The following NAP1L4 variants were observed in gnomAD, a reference collection of about 807,000 sequenced individuals.
The protein encoded by NAP1L4 is nucleosome assembly protein 1 like 4.
A neutral mutation model predicts 58.2 loss-of-function variants in NAP1L4; 15 were observed. The observed-to-expected ratio is 0.26, with a 90% confidence interval of 0.17 to 0.40. The LOEUF is 0.40. NAP1L4 is among the 10% of genes least tolerant of loss of function. The pLI is 1.00. For synonymous variants in NAP1L4, 171 were observed against 155.6 expected, an observed-to-expected ratio of 1.10 and a Z score of -0.74; for missense variants, 384 against 451.1, an observed-to-expected ratio of 0.85 and a Z score of 1.35.
In NAP1L4 at chr11:2,979,187, C is replaced by CA; in HGVS notation, c.14+19dup. 5 of 1,608,150 alleles carry CA rather than the reference C, an allele frequency of 3.1e-6. No individual in the cohort carries two copies. The highest frequency in any genetic ancestry group is 4.2e-6 in the Non-Finnish European group (5 of 1,177,372). On this transcript the variant is annotated intron_variant, in intron 2 of 15. Coordinates refer to ENST00000380542, the MANE Select transcript of NAP1L4 (RefSeq NM_005969.4). Reference sequence around the variant, plus strand: ...CAACTGAATTTTAAACTCCAATAAACAAAGTCCACTTTGGCTTACCTGTGA... The same window carrying CA: ...CAACTGAATTTTAAACTCCAATAAACAAAAGTCCACTTTGGCTTACCTGTGA...
Position 2,951,083 on chromosome 11 carries a change from C to A in NAP1L4, c.1122+176G>T. ...CTACTGAGTATGTACACTCAACACT[C>A]AAATTATAGACACAGTGTCTGAATA... On this transcript the variant is annotated intron_variant, in intron 14 of 15. Transcript: ENST00000380542. This position sits in a 1 kb window ranked among gnomAD's most constrained non-coding sequence, Gnocchi z 4.0. 1 of 656,728 alleles carries A rather than the reference C, an allele frequency of 1.5e-6. No individual in the cohort carries two copies. Among genetic ancestry groups the A allele is most frequent in the Non-Finnish European group, 2.7e-6 (1 of 371,376 alleles). 40.7% of individuals were successfully genotyped at this position (656,728 alleles called of 1,614,324 possible). A position where few individuals can be genotyped will look rare whatever the true frequency, so the allele number is the denominator to read the frequency against.
At position 2,951,211 on chromosome 11, in the gene NAP1L4, A is replaced by T. The variant is rs1222177201; in HGVS notation, c.1122+48T>A. The T allele has an allele frequency of 6.9e-7, 1 of 1,454,300 alleles. No homozygotes were observed. The highest frequency in any genetic ancestry group is 2.3e-5 in the East Asian group (1 of 44,066). 90.1% of individuals were successfully genotyped at this position (1,454,300 alleles called of 1,614,324 possible). ...AAGTGGGGAACATTTTTAAAAGTCT[A>T]AGAGTGCAGCATAATAAGTAGGTCT... is the stretch of plus-strand genomic sequence containing the variant. On this transcript the variant is annotated intron_variant, in intron 14 of 15. Coordinates refer to ENST00000380542, the MANE Select transcript of NAP1L4 (RefSeq NM_005969.4). This position sits in a 1 kb window ranked among gnomAD's most constrained non-coding sequence, Gnocchi z 4.0.
Position 2,951,210 on chromosome 11 carries a change from TAA to T in NAP1L4, c.1122+47_1122+48del. ...AAAGTGGGGAACATTTTTAAAAGTCTAAGAGTGCAGCATAATAAGTAGGTCTG... is the reference window on the plus strand; with the variant it reads ...AAAGTGGGGAACATTTTTAAAAGTCTGAGTGCAGCATAATAAGTAGGTCTG... On this transcript the variant is annotated intron_variant, in intron 14 of 15. Coordinates refer to ENST00000380542, the MANE Select transcript of NAP1L4 (RefSeq NM_005969.4). The surrounding 1 kb of genome is among the most constrained non-coding windows in gnomAD (Gnocchi z 4.0). 1 of 1,449,786 alleles carries T rather than the reference TAA, an allele frequency of 6.9e-7. No homozygotes were observed. The highest frequency in any genetic ancestry group is 1.2e-5 in the South Asian group (1 of 85,906). The allele number at this position is 1,449,786 out of a possible 1,614,324, so 89.8% of individuals were successfully genotyped here. A position where few individuals can be genotyped will look rare whatever the true frequency, so the allele number is the denominator to read the frequency against.
intron 1 of NAP1L4, among the ~76,000 whole-genome samples, chr11:2,986,803 T>C (rs569367723): frequency 9.9e-5 from 15 of 151,730 alleles, no homozygotes; most frequent in Middle Eastern, 3.4e-3. Flanking sequence ...TTTTTTTGTA[T>C]TTTTAGTAGA....
chr11:2,953,584 C>A (rs1344853381), intron 12 of NAP1L4, among the ~76,000 whole-genome samples: 1 of 152,240 alleles, frequency 6.6e-6, no homozygotes, highest in Non-Finnish European at 1.5e-5. Flanking sequence ...CCCTGACCTG[C>A]AATCACCTCC....
In NAP1L4 at chr11:2,954,765, C is replaced by T. The variant is rs756709780; in HGVS notation, c.916-119G>A. On this transcript the variant is annotated intron_variant, in intron 11 of 15. Transcript: ENST00000380542. This position sits in a 1 kb window ranked among gnomAD's most constrained non-coding sequence, Gnocchi z 4.8. ...TTTACTTAACTTAAAACACCAAACTCCTGCACTGCTGGGGGACAGCCACTA... is the reference window on the plus strand; with the variant it reads ...TTTACTTAACTTAAAACACCAAACTTCTGCACTGCTGGGGGACAGCCACTA... 4 of 1,300,124 alleles carry T rather than the reference C, an allele frequency of 3.1e-6. No homozygotes were observed. In the South Asian group the frequency reaches 4.9e-5, roughly 16 times the overall value. The allele number at this position is 1,300,124 out of a possible 1,614,324, so 80.5% of individuals were successfully genotyped here. A position where few individuals can be genotyped will look rare whatever the true frequency, so the allele number is the denominator to read the frequency against.
At chr11:2,970,903 G>A (rs1318957660) in intron 6 of NAP1L4, among the ~76,000 whole-genome samples, 1 of 150,228 alleles carries the variant, frequency 6.7e-6, no homozygotes, top group Non-Finnish European at 1.5e-5. Flanking sequence ...AAAGTTACTT[G>A]TCTCCCAAAC....
At chr11:2,966,827 T>C (rs980850535) in intron 7 of NAP1L4, among the ~76,000 whole-genome samples, 9 of 152,182 alleles carry the variant, frequency 5.9e-5, no homozygotes, top group African/African-American at 2.2e-4. Context: ...TGCCCACTCA[T>C]GTTTTCCCAA....
At chr11:2,953,183 C>T (rs952677883) in intron 12 of NAP1L4, among the ~76,000 whole-genome samples, 5 of 152,196 alleles carry the variant, frequency 3.3e-5, no homozygotes, top group African/African-American at 1.2e-4. Flanking sequence ...AGTACCTGTG[C>T]TGAACGTATT....
Position 2,948,514 on chromosome 11 carries a change from G to A in NAP1L4, c.*32+713C>T, listed in dbSNP as rs987282237. On this transcript the variant is annotated intron_variant, in intron 15 of 15. Coordinates refer to ENST00000380542, the MANE Select transcript of NAP1L4 (RefSeq NM_005969.4). The surrounding 1 kb of genome is among the most constrained non-coding windows in gnomAD (Gnocchi z 5.1). ...CGGGCAAGAGCCTCTGTCTACTTAC[G>A]GCCTCCTGTCAGCATTCCAGGACAG... Among the ~76,000 whole-genome samples the A allele has an allele frequency of 6.6e-6, 1 of 152,116 alleles. No homozygotes were observed. The highest frequency in any genetic ancestry group is 2.4e-5 in the African/African-American group (1 of 41,404).
chr11:2,954,056 T>A lies in NAP1L4; in HGVS notation c.1035+471A>T, dbSNP rs1326832558. On this transcript the variant is annotated intron_variant, in intron 12 of 15. Transcript: ENST00000380542. This position sits in a 1 kb window ranked among gnomAD's most constrained non-coding sequence, Gnocchi z 4.8. ...AGGAAAGTGACATGCAATCTTGTTG[T>A]TTTCTTCGGGAGCACGGGTTTCTTT... is the stretch of plus-strand genomic sequence containing the variant. Among the ~76,000 whole-genome samples, 1 of 152,192 alleles carries A rather than the reference T, an allele frequency of 6.6e-6. No individual in the cohort carries two copies. Among genetic ancestry groups the A allele is most frequent in the Non-Finnish European group, 1.5e-5 (1 of 68,024 alleles).
intron 4 of NAP1L4, among the ~76,000 whole-genome samples, chr11:2,973,477 A>G (rs1847766702): frequency 6.6e-6 from 1 of 152,066 alleles, no homozygotes; most frequent in African/African-American, 2.4e-5. Flanking sequence ...TAAGCACTTG[A>G]CTTACCCTCC....
At chr11:2,970,910 A>T (rs973968678) in intron 6 of NAP1L4, among the ~76,000 whole-genome samples, 1 of 151,544 alleles carries the variant, frequency 6.6e-6, no homozygotes, top group African/African-American at 2.4e-5. Flanking sequence ...CTTGTCTCCC[A>T]AACATAAAAT....
chr11:2,955,119 C>A lies in NAP1L4; in HGVS notation c.916-473G>T, dbSNP rs1846455561. On this transcript the variant is annotated intron_variant, in intron 11 of 15. Transcript: ENST00000380542. The surrounding 1 kb of genome is among the most constrained non-coding windows in gnomAD (Gnocchi z 4.2). Reference sequence around the variant, plus strand: ...TCACCCAGGTTGGAGGGCAGTGGTGCAATCACAGCTCACTCCAGCCTCAAG... The same window carrying A: ...TCACCCAGGTTGGAGGGCAGTGGTGAAATCACAGCTCACTCCAGCCTCAAG... Among the ~76,000 whole-genome samples the A allele has an allele frequency of 6.6e-6, 1 of 151,998 alleles. No homozygotes were observed. Among genetic ancestry groups the A allele is most frequent in the Admixed American group, 6.6e-5 (1 of 15,250 alleles).
Position 2,948,547 on chromosome 11 carries a change from C to T in NAP1L4, c.*32+680G>A, listed in dbSNP as rs1222468383. ...GTCAGCATTCCAGGACAGGGCAGAGCTACAGGGACTGAAGAAAGTGGAGTG... is the reference window on the plus strand; with the variant it reads ...GTCAGCATTCCAGGACAGGGCAGAGTTACAGGGACTGAAGAAAGTGGAGTG... On this transcript the variant is annotated intron_variant, in intron 15 of 15. Coordinates refer to ENST00000380542, the MANE Select transcript of NAP1L4 (RefSeq NM_005969.4). This position sits in a 1 kb window ranked among gnomAD's most constrained non-coding sequence, Gnocchi z 5.1. 6.6e-6 allele frequency among the ~76,000 whole-genome samples: 1 copy of T among 152,152 alleles called. No homozygotes were observed. The highest frequency in any genetic ancestry group is 2.4e-5 in the African/African-American group (1 of 41,420).
At position 2,949,204 on chromosome 11, in the gene NAP1L4, G is replaced by A. The variant is rs1846093641; in HGVS notation, c.*32+23C>T. ...TATAGATCAGAAGTTTGGAAGTTAG[G>A]TATGAATGGAATTCCACCTTACCTA... On this transcript the variant is annotated intron_variant, in intron 15 of 15. Coordinates refer to ENST00000380542, the MANE Select transcript of NAP1L4 (RefSeq NM_005969.4). The surrounding 1 kb of genome is among the most constrained non-coding windows in gnomAD (Gnocchi z 4.0). The A allele has an allele frequency of 1.3e-6, 2 of 1,554,590 alleles. No individual in the cohort carries two copies. The highest frequency in any genetic ancestry group is 2.2e-5 in the East Asian group (1 of 44,618).
At chr11:2,981,858 C>A (rs1210838138) in intron 1 of NAP1L4, 2 of 152,618 alleles carry the variant, frequency 1.3e-5, no homozygotes, top group East Asian at 3.9e-4. Flanking sequence ...TCAATGGTCC[C>A]CCGTCACCTT....
rs1206341943 is a variant in NAP1L4, at chr11:2,971,696, G to T, written c.316-162C>A. Among the ~76,000 whole-genome samples, 1 of 152,126 alleles carries T rather than the reference G, an allele frequency of 6.6e-6. No homozygotes were observed. Among genetic ancestry groups the T allele is most frequent in the Non-Finnish European group, 1.5e-5 (1 of 68,028 alleles). On this transcript the variant is annotated intron_variant, in intron 5 of 15. Coordinates refer to ENST00000380542, the MANE Select transcript of NAP1L4 (RefSeq NM_005969.4). This position sits in a 1 kb window ranked among gnomAD's most constrained non-coding sequence, Gnocchi z 4.2. ...TAGGGTTCAAAGAAAAATATTAAAT[G>T]ATTCCCTGGGTAAACCTGGATGTTT...
Position 2,954,273 on chromosome 11 carries a change from A to C in NAP1L4, c.1035+254T>G. On this transcript the variant is annotated intron_variant, in intron 12 of 15. Transcript: ENST00000380542. This position sits in a 1 kb window ranked among gnomAD's most constrained non-coding sequence, Gnocchi z 4.8. ...AGAGAATATTGTTGAGTCACTAGGC[A>C]GGGCTCACATAGGAAACTGGCAATC... 1 of 567,942 alleles carries C rather than the reference A, an allele frequency of 1.8e-6. No individual in the cohort carries two copies. Among genetic ancestry groups the C allele is most frequent in the South Asian group, 2.0e-5 (1 of 49,160 alleles). 35.2% of individuals were successfully genotyped at this position (567,942 alleles called of 1,614,324 possible).
Sources: allele counts gnomAD v4.1 joint callset (sites outside exome capture counted in the v4.1 genomes callset), GRCh38; gene constraint gnomAD v4.1.1; non-coding constraint Gnocchi (gnomAD v3.1); transcripts MANE v1.5; gene names NCBI Gene and HGNC (gene_info 2026-07-23, HGNC 2026-07-21).